Variants in METRNL observed in about 807,000 individuals in gnomAD.
METRNL encodes meteorin-like protein.
METRNL carries 9 observed loss-of-function variants against 17.4 expected under a neutral mutation model. The ratio of observed to expected loss-of-function variants is 0.52; its 90% CI spans 0.31 to 0.90. The LOEUF (loss-of-function observed/expected upper bound fraction) is 0.90. Among genes scored for constraint, METRNL ranks in the 40% least tolerant of loss-of-function variants. The pLI, the probability that METRNL is intolerant of heterozygous loss-of-function variation, is 0.05. For synonymous variants in METRNL, 215 were observed against 199.3 expected, an observed-to-expected ratio of 1.08 and a Z score of -0.66; for missense variants, 408 against 430.7, an observed-to-expected ratio of 0.95 and a Z score of 0.47.
In METRNL at chr17:83,085,359, C is replaced by T. The variant is rs199878546; in HGVS notation, c.556+36C>T. The T allele has an allele frequency of 4.6e-6, 7 of 1,510,588 alleles. No individual in the cohort carries two copies. In the East Asian group the frequency reaches 6.9e-5, roughly 15 times the overall value. The allele number at this position is 1,510,588 out of a possible 1,614,324, so 93.6% of individuals were successfully genotyped here. A position where few individuals can be genotyped will look rare whatever the true frequency, so the allele number is the denominator to read the frequency against. On this transcript the variant is annotated intron_variant, in intron 2 of 3. Coordinates refer to ENST00000320095, the MANE Select transcript of METRNL (RefSeq NM_001004431.3). Reference sequence around the variant, plus strand: ...TGCCTGGGGCGGGGGCGGCGGGCCTCGTCATCACGGGGCTGGTGATGTGGC... The same window carrying T: ...TGCCTGGGGCGGGGGCGGCGGGCCTTGTCATCACGGGGCTGGTGATGTGGC...
At chr17:83,089,692 G>A (rs1047246713) in intron 2 of METRNL, among the ~76,000 whole-genome samples, 8 of 152,126 alleles carry the variant, frequency 5.3e-5, no homozygotes, top group South Asian at 2.1e-4. Flanking sequence ...TGAGCAGCGC[G>A]TTCCGCAGCC....
In METRNL at chr17:83,085,097, C is replaced by A; in HGVS notation, c.330C>A (p.Ser110=). Residue 110 remains serine, a synonymous_variant, in exon 2 of 4, where the codon TCC becomes TCA. Coordinates refer to ENST00000320095, the MANE Select transcript of METRNL (RefSeq NM_001004431.3). The part of the protein sequence containing the change: ...PARHLTVCIR[S]FTDSSGANIY... ...GGCACCTGACCGTGTGCATCAGGTCCTTCACGGACTCCTCGGGGGCCAATA... is the reference window on the plus strand; with the variant it reads ...GGCACCTGACCGTGTGCATCAGGTCATTCACGGACTCCTCGGGGGCCAATA... 3.7e-6 allele frequency: 6 copies of A among 1,613,904 alleles called. No homozygotes were observed. Among genetic ancestry groups the A allele is most frequent in the Non-Finnish European group, 4.2e-6 (5 of 1,180,028 alleles).
chr17:83,088,782 G>A (rs1489858532), intron 2 of METRNL, among the ~76,000 whole-genome samples: 1 of 145,350 alleles, frequency 6.9e-6, no homozygotes, highest in Non-Finnish European at 1.5e-5. Context: ...AGCCCCTGCC[G>A]ATGAGCCCCC....
chr17:83,088,348 C>T (rs112280405), intron 2 of METRNL, among the ~76,000 whole-genome samples: 3,148 of 152,342 alleles, frequency 0.021, 56 homozygotes, highest in Admixed American at 0.049. Context: ...ATCCGGGAAA[C>T]GGGCACCGTT....
At chr17:83,094,126 G>C in intron 3 of METRNL, 130 bp from the exon 4 acceptor site, 1 of 706,394 alleles carries the variant, frequency 1.4e-6, no homozygotes, top group South Asian at 2.3e-5. Flanking sequence ...GAATTTCCAC[G>C]CTAGATGGCA....
intron 2 of METRNL, among the ~76,000 whole-genome samples, chr17:83,091,902 G>A (rs1449782771): frequency 1.3e-5 from 2 of 152,226 alleles, no homozygotes; most frequent in African/African-American, 4.8e-5. Flanking sequence ...TGCAATAAGA[G>A]CAAATAATAA....
chr17:83,079,913 T>G lies in METRNL; in HGVS notation c.98T>G (p.Leu33Arg). 1 of 999,292 alleles carries G rather than the reference T, an allele frequency of 1.0e-6. No homozygotes were observed. The highest frequency in any genetic ancestry group is 1.2e-6 in the Non-Finnish European group (1 of 841,174). 61.9% of individuals were successfully genotyped at this position (999,292 alleles called of 1,614,324 possible). A position where few individuals can be genotyped will look rare whatever the true frequency, so the allele number is the denominator to read the frequency against. The change falls in exon 1 of 4, where the codon CTC becomes CGC. Residue 33 changes from leucine (L) to arginine (R), a missense_variant. Transcript: ENST00000320095. ...GPPPPPLPLL[L>R]LLLAGLLGGA... ...CCCCCGCCGCCGCTCCCGCTGCTGC[T>G]CCTGCTCCTGGCCGGGCTGCTGGGC...
chr17:83,091,977 A>G (rs1188716496), intron 2 of METRNL, among the ~76,000 whole-genome samples: 1 of 152,216 alleles, frequency 6.6e-6, no homozygotes, highest in Non-Finnish European at 1.5e-5. Flanking sequence ...TCTGTTTCAC[A>G]GTGGCCCGCC....
rs549403800 is a variant in METRNL, at chr17:83,093,713, G to A, written c.616+487G>A. ...GGGCTCCAGCCCCTTTGCTTGTGGC[G>A]TTTGCACAGACGCCCTGTGGGAAAG... On this transcript the variant is annotated intron_variant, in intron 3 of 3. Transcript: ENST00000320095. Among the ~76,000 whole-genome samples the A allele has an allele frequency of 8.2e-4, 125 of 152,280 alleles. 1 individual carries two copies. The highest frequency in any genetic ancestry group is 2.8e-3 in the African/African-American group (117 of 41,556).
chr17:83,088,645 G>A (rs896250865), intron 2 of METRNL, among the ~76,000 whole-genome samples: 8 of 151,810 alleles, frequency 5.3e-5, no homozygotes, highest in African/African-American at 1.9e-4. Context: ...TCATGAGCAC[G>A]TGGTGCCGTC....
intron 3 of METRNL, 144 bp downstream of exon 3, chr17:83,093,370 A>T (rs571886107): frequency 6.0e-6 from 4 of 669,676 alleles, no homozygotes; most frequent in Admixed American, 5.5e-5. Context: ...ACGCTGTGGA[A>T]GCCCTGGGCT....
At chr17:83,080,052 C>T (rs1352231494) in intron 1 of METRNL, 67 bp downstream of exon 1, 2 of 966,134 alleles carry the variant, frequency 2.1e-6, no homozygotes, top group Non-Finnish European at 2.5e-6. Context: ...CCCGGGCCGG[C>T]CGAGCGTGCG....
At chr17:83,085,890 C>T (rs1270380486) in intron 2 of METRNL, among the ~76,000 whole-genome samples, 4 of 152,224 alleles carry the variant, frequency 2.6e-5, no homozygotes, top group African/African-American at 9.6e-5. Flanking sequence ...GGAGCTGAGG[C>T]TGGCTCAGCC....
chr17:83,093,276 A>G lies in METRNL; in HGVS notation c.616+50A>G, dbSNP rs145765161. Reference sequence around the variant, plus strand: ...ACCTCCTGTGCTCCTGGTTTCTGCCACATGGAGCTGTTTGGGCCCAGGAGT... The same window carrying G: ...ACCTCCTGTGCTCCTGGTTTCTGCCGCATGGAGCTGTTTGGGCCCAGGAGT... On this transcript the variant is annotated intron_variant, in intron 3 of 3. Coordinates refer to ENST00000320095, the MANE Select transcript of METRNL (RefSeq NM_001004431.3). 4.2e-4 allele frequency: 641 copies of G among 1,509,618 alleles called. 4 individuals carry two copies. In the African/African-American group the frequency reaches 6.7e-3, roughly 16 times the overall value. 93.5% of individuals were successfully genotyped at this position (1,509,618 alleles called of 1,614,324 possible).
At chr17:83,085,411 C>G in intron 2 of METRNL, 88 bp downstream of exon 2, 1 of 1,449,976 alleles carries the variant, frequency 6.9e-7, no homozygotes, top group Non-Finnish European at 9.3e-7. Context: ...TTCCTGTCCC[C>G]TCGTCTGCTC....
At chr17:83,084,817 C>T (rs749039280) in intron 1 of METRNL, 121 bp from the exon 2 acceptor site, 36 of 1,310,410 alleles carry the variant, frequency 2.7e-5, no homozygotes, top group Admixed American at 4.7e-5. Flanking sequence ...TGGCCGGCAG[C>T]GGGTGGGTCC....
intron 1 of METRNL, among the ~76,000 whole-genome samples, chr17:83,083,518 C>T (rs2143616527): frequency 6.6e-6 from 1 of 152,284 alleles, no homozygotes; most frequent in South Asian, 2.1e-4. Context: ...CCCTTGCCCA[C>T]ACACGTGTTA....
chr17:83,090,173 CCTG>C (rs1236801880), intron 2 of METRNL, among the ~76,000 whole-genome samples: 37 of 124,520 alleles, frequency 3.0e-4, no homozygotes, highest in Admixed American at 5.8e-4. Context: ...GCCACACACC[CCTG>C]CCCCGCCCCA....
chr17:83,093,973 G>A (rs2038171277), intron 3 of METRNL, among the ~76,000 whole-genome samples: 1 of 152,222 alleles, frequency 6.6e-6, no homozygotes, highest in Admixed American at 6.5e-5. Flanking sequence ...GGGGCACCCT[G>A]TGTATCAGCT....
Sources: allele counts gnomAD v4.1 joint callset (sites outside exome capture counted in the v4.1 genomes callset), GRCh38; gene constraint gnomAD v4.1.1; transcripts MANE v1.5; gene names NCBI Gene and HGNC (gene_info 2026-07-23, HGNC 2026-07-21).